Variants in HPGDS observed in about 807,000 individuals in gnomAD.
The protein encoded by HPGDS is GST class-sigma.
HPGDS carries 26 observed loss-of-function variants against 23.1 expected under a neutral mutation model. The observed-to-expected ratio is 1.13, with a 90% confidence interval of 0.83 to 1.56. The LOEUF (loss-of-function observed/expected upper bound fraction) is 1.56, where lower values mean the gene tolerates loss of function less well. Ranked by LOEUF, HPGDS falls within the 40% of genes most tolerant of loss-of-function variation. The pLI is 0.00. For missense variants in HPGDS, 268 were observed against 236.4 expected, an observed-to-expected ratio of 1.13 and a Z score of -0.88; for synonymous variants, 95 against 77.9, an observed-to-expected ratio of 1.22 and a Z score of -1.16.
In HPGDS at chr4:94,340,722, G is replaced by C. The variant is rs560459095; in HGVS notation, c.-10+2073C>G. ...CGCCCAGCCTGGAGTGCAATGGCGTGATCTCGTCTCACCGCAGCCTCTGCC... is the reference window on the plus strand; with the variant it reads ...CGCCCAGCCTGGAGTGCAATGGCGTCATCTCGTCTCACCGCAGCCTCTGCC... On this transcript the variant is annotated intron_variant, in intron 1 of 5. Coordinates refer to ENST00000295256, the MANE Select transcript of HPGDS (RefSeq NM_014485.3). Among the ~76,000 whole-genome samples, 7 of 129,444 alleles carry C rather than the reference G, an allele frequency of 5.4e-5. No homozygotes were observed. The East Asian group carries it at 1.6e-3, about 30-fold the overall frequency. The allele number at this position is 129,444 out of a possible 152,430, so 84.9% of individuals were successfully genotyped here.
chr4:94,308,345 T>C (rs908279446), intron 4 of HPGDS, among the ~76,000 whole-genome samples: 5 of 152,052 alleles, frequency 3.3e-5, no homozygotes, highest in Non-Finnish European at 5.9e-5. Context: ...TCATTTACAA[T>C]TGGTCAATCA....
intron 2 of HPGDS, among the ~76,000 whole-genome samples, chr4:94,319,810 G>A (rs902204253): frequency 7.9e-5 from 12 of 152,136 alleles, no homozygotes; most frequent in Non-Finnish European, 1.6e-4. Flanking sequence ...TGTGCACAAT[G>A]TGCAGGTTTG....
rs534422426 is a variant in HPGDS, at chr4:94,331,859, A to G, written c.133+2638T>C. Among the ~76,000 whole-genome samples the G allele has an allele frequency of 2.0e-5, 3 of 152,294 alleles. No homozygotes were observed. The East Asian group carries it at 5.8e-4, about 29-fold the overall frequency. ...TCACATTGATAGAGGCAGGAGGCAG[A>G]GAAATTCTAGGCAGACAGCAGCAGG... On this transcript the variant is annotated intron_variant, in intron 2 of 5. Transcript: ENST00000295256.
rs558654323 is a variant in HPGDS, at chr4:94,311,480, A to G, written c.227-2737T>C. Among the ~76,000 whole-genome samples, 19 of 151,352 alleles carry G rather than the reference A, an allele frequency of 1.3e-4. No individual in the cohort carries two copies. In the East Asian group the frequency reaches 3.7e-3, roughly 29 times the overall value. ...TGTTGAACCAGCCTTGCATCCCAGGAATGAAGCCCACTTGATCATGGTGGA... is the reference window on the plus strand; with the variant it reads ...TGTTGAACCAGCCTTGCATCCCAGGGATGAAGCCCACTTGATCATGGTGGA... On this transcript the variant is annotated intron_variant, in intron 3 of 5. Transcript: ENST00000295256.
At chr4:94,308,563 T>A (rs912165838) in intron 4 of HPGDS, 71 bp downstream of exon 4, 1 of 723,342 alleles carries the variant, frequency 1.4e-6, no homozygotes, top group Non-Finnish European at 2.4e-6. Flanking sequence ...AGGAACTTTC[T>A]AAGGCACCTA....
At position 94,308,741 on chromosome 4, in the gene HPGDS, A is replaced by C. The variant is rs1487020410; in HGVS notation, c.229T>G (p.Leu77Val). Reference sequence around the variant, plus strand: ...TGTTCCATTTCTGTGTTTCCAGCCAAATCTGTGGAATAGAGAGAGGCCCAT... The same window carrying C: ...TGTTCCATTTCTGTGTTTCCAGCCACATCTGTGGAATAGAGAGAGGCCCAT... The part of the protein sequence containing the change: ...IARYLTKNTD[L>V]AGNTEMEQCH... The change falls in exon 4 of 6, where the codon TTG (leucine) becomes GTG (valine). Residue 77 changes from leucine (L) to valine (V), a missense_variant and splice_region_variant. Physicochemically the swap from Leu to Val is conservative, Grantham distance 32 (BLOSUM62 1). Coordinates refer to ENST00000295256, the MANE Select transcript of HPGDS (RefSeq NM_014485.3). 2.4e-5 allele frequency: 37 copies of C among 1,539,550 alleles called. No individual in the cohort carries two copies. The highest frequency in any genetic ancestry group is 3.1e-5 in the Non-Finnish European group (35 of 1,114,942).
At chr4:94,320,722 C>A (rs1375238356) in intron 2 of HPGDS, among the ~76,000 whole-genome samples, 1 of 152,218 alleles carries the variant, frequency 6.6e-6, no homozygotes, top group African/African-American at 2.4e-5. Flanking sequence ...TGCCTGTTCA[C>A]TCTAATGGTA....
intron 3 of HPGDS, among the ~76,000 whole-genome samples, chr4:94,314,537 C>G (rs1183785284): frequency 6.6e-6 from 1 of 152,170 alleles, no homozygotes; most frequent in African/African-American, 2.4e-5. Context: ...TGTAAGGTAT[C>G]AGTCTGCCCC....
At chr4:94,310,635 T>C (rs1756247211) in intron 3 of HPGDS, among the ~76,000 whole-genome samples, 2 of 152,272 alleles carry the variant, frequency 1.3e-5, no homozygotes, top group Middle Eastern at 3.4e-3. Flanking sequence ...TTTGGTTCCA[T>C]ATGAACTTTA....
intron 3 of HPGDS, among the ~76,000 whole-genome samples, chr4:94,316,772 T>C (rs1357319191): frequency 6.6e-6 from 1 of 152,240 alleles, no homozygotes; most frequent in African/African-American, 2.4e-5. Context: ...ATGCAAATTC[T>C]TGGGACCCAC....
intron 4 of HPGDS, among the ~76,000 whole-genome samples, chr4:94,308,348 G>A (rs932185626): frequency 5.9e-5 from 9 of 152,062 alleles, no homozygotes; most frequent in East Asian, 1.9e-4. Context: ...TTTACAATTG[G>A]TCAATCAGAG....
At chr4:94,301,150 G>A (rs1756033004) in intron 5 of HPGDS, among the ~76,000 whole-genome samples, 1 of 152,188 alleles carries the variant, frequency 6.6e-6, no homozygotes, top group African/African-American at 2.4e-5. Flanking sequence ...ATGTAGTTCT[G>A]TATCACCCAG....
intron 4 of HPGDS, among the ~76,000 whole-genome samples, chr4:94,306,037 G>A (rs1579426639): frequency 6.6e-6 from 1 of 152,090 alleles, no homozygotes; most frequent in East Asian, 1.9e-4. Context: ...AGAGCTGAGA[G>A]TAACACAGGC....
chr4:94,324,423 A>G (rs1385053074), intron 2 of HPGDS, among the ~76,000 whole-genome samples: 1 of 151,994 alleles, frequency 6.6e-6, no homozygotes, highest in Non-Finnish European at 1.5e-5. Flanking sequence ...GTCTTTTCAC[A>G]TAGTCGCATG....
intron 4 of HPGDS, among the ~76,000 whole-genome samples, chr4:94,305,354 G>T (rs1279513494): frequency 1.3e-5 from 2 of 151,926 alleles, no homozygotes; most frequent in Non-Finnish European, 2.9e-5. Flanking sequence ...TCCTGGCTAG[G>T]CCTATATATA....
intron 4 of HPGDS, among the ~76,000 whole-genome samples, chr4:94,304,679 C>T (rs1756107849): frequency 6.6e-6 from 1 of 152,042 alleles, no homozygotes; most frequent in Non-Finnish European, 1.5e-5. Flanking sequence ...CTATAGCTAT[C>T]AGCAATGTTT....
In HPGDS at chr4:94,322,025, G is replaced by C. The variant is rs531130207; in HGVS notation, c.134-4060C>G. Among the ~76,000 whole-genome samples the C allele has an allele frequency of 2.6e-5, 4 of 152,172 alleles. No individual in the cohort carries two copies. In the East Asian group the frequency reaches 5.8e-4, roughly 22 times the overall value. The stretch of plus-strand genomic sequence containing the variant: ...TTTCTGCATCTATTGAGACGATCAT[G>C]TGGTTTTTGTCTTTGGTTCTGTTAA... On this transcript the variant is annotated intron_variant, in intron 2 of 5. Transcript: ENST00000295256.
At chr4:94,325,330 C>G (rs576683254) in intron 2 of HPGDS, among the ~76,000 whole-genome samples, 1 of 152,152 alleles carries the variant, frequency 6.6e-6, no homozygotes. Flanking sequence ...CAGACAGGGA[C>G]GTTTAAGTCT....
At chr4:94,305,160 C>A (rs772802602) in intron 4 of HPGDS, among the ~76,000 whole-genome samples, 46 of 152,096 alleles carry the variant, frequency 3.0e-4, no homozygotes, top group Non-Finnish European at 6.2e-4. Context: ...TTAATCCTGC[C>A]AACATACTTC....
Sources: gnomAD v4.1 joint callset for allele counts (sites outside exome capture counted in the v4.1 genomes callset) on GRCh38, gnomAD v4.1.1 for gene constraint, MANE v1.5 for transcripts, NCBI Gene and HGNC (gene_info 2026-07-23, HGNC 2026-07-21) for gene names.